Variants in ETFA observed in about 807,000 individuals in gnomAD.
ETFA encodes electron transfer flavoprotein subunit alpha, mitochondrial.
ETFA carries 22 observed loss-of-function variants against 46.2 expected under a neutral mutation model. That is an observed-to-expected ratio of 0.48 (90% CI 0.34 to 0.68). The LOEUF (loss-of-function observed/expected upper bound fraction) is 0.68, where lower values mean the gene tolerates loss of function less well. Ranked by LOEUF, ETFA falls within the 30% of genes least tolerant of loss-of-function variation. The probability of loss-of-function intolerance (pLI) is 0.01; values close to 1 mark genes in which losing one functional copy is unlikely to be tolerated. For missense variants in ETFA, 345 were observed against 401.1 expected, an observed-to-expected ratio of 0.86 and a Z score of 1.19; for synonymous variants, 131 against 139.9, an observed-to-expected ratio of 0.94 and a Z score of 0.45.
At position 76,216,632 on chromosome 15, in the gene ETFA, G is replaced by C. The variant is rs537265828; in HGVS notation, c.964-35C>G. ...AAAACAAAAAGTAATTAAGCAACTA[G>C]AGCCTTCACTGTGATATGGTCACAG... On this transcript the variant is annotated intron_variant, in intron 11 of 11. Transcript: ENST00000557943. The C allele has an allele frequency of 3.0e-5, 42 of 1,382,282 alleles. 1 individual carries two copies. The South Asian group carries it at 3.6e-4, about 12-fold the overall frequency. 85.6% of individuals were successfully genotyped at this position (1,382,282 alleles called of 1,614,324 possible). A position where few individuals can be genotyped will look rare whatever the true frequency, so the allele number is the denominator to read the frequency against.
intron 8 of ETFA, among the ~76,000 whole-genome samples, chr15:76,281,432 T>C (rs1477424003): frequency 2.0e-5 from 3 of 151,890 alleles, no homozygotes; most frequent in Admixed American, 6.6e-5. Flanking sequence ...TCTAACATTT[T>C]TTTTTTTTTT....
At chr15:76,296,238 C>T (rs2039822040) in intron 1 of ETFA, among the ~76,000 whole-genome samples, 1 of 152,044 alleles carries the variant, frequency 6.6e-6, no homozygotes. Context: ...TGCGCCACCG[C>T]ACCTGGCCTA....
chr15:76,292,809 AT>A (rs1340709261), intron 2 of ETFA, 109 bp from the exon 3 acceptor site: 31 of 821,006 alleles, frequency 3.8e-5, no homozygotes, highest in Non-Finnish European at 6.4e-5. Flanking sequence ...AACTGTAAAA[AT>A]TATTCTTATT....
At chr15:76,306,855 C>T (rs144063512) in intron 1 of ETFA, among the ~76,000 whole-genome samples, 54 of 152,290 alleles carry the variant, frequency 3.5e-4, no homozygotes, top group African/African-American at 1.1e-3. Context: ...TTAGTAGACA[C>T]ATTGGCAGGC....
At chr15:76,299,417 G>A (rs1452744007) in intron 1 of ETFA, among the ~76,000 whole-genome samples, 9 of 152,080 alleles carry the variant, frequency 5.9e-5, no homozygotes, top group Non-Finnish European at 1.2e-4. Context: ...CCAAGTCGCT[G>A]GGACCACAGG....
chr15:76,261,670 C>T (rs2039415176), intron 9 of ETFA: 1 of 368,478 alleles, frequency 2.7e-6, no homozygotes, highest in Non-Finnish European at 4.9e-6. Flanking sequence ...CCAGCCGCCC[C>T]ATGCTGTGCC....
chr15:76,217,124 T>C (rs1379875186), intron 11 of ETFA, among the ~76,000 whole-genome samples: 3 of 152,100 alleles, frequency 2.0e-5, no homozygotes, highest in Non-Finnish European at 4.4e-5. Flanking sequence ...CTGCTACCTT[T>C]TGGCTTTGTG....
At chr15:76,310,093 A>T (rs1328833564) in intron 1 of ETFA, 1 of 139,572 alleles carries the variant, frequency 7.2e-6, no homozygotes, top group African/African-American at 3.0e-5. Context: ...AAAAAAAAAA[A>T]AAATTAGCCA....
At chr15:76,273,940 GATACT>G (rs2039567482) in intron 9 of ETFA, among the ~76,000 whole-genome samples, 2 of 152,214 alleles carry the variant, frequency 1.3e-5, no homozygotes, top group Admixed American at 6.5e-5. Flanking sequence ...TTCTGAAATT[GATACT>G]ATAAGACAAA....
At chr15:76,284,786 T>A (rs1312139598) in intron 7 of ETFA, 4 of 255,148 alleles carry the variant, frequency 1.6e-5, no homozygotes, top group Admixed American at 5.7e-5. Flanking sequence ...GTCACCGCGC[T>A]GGGCGTAGTG....
intron 1 of ETFA, among the ~76,000 whole-genome samples, chr15:76,301,191 T>C (rs1417452397): frequency 6.6e-6 from 1 of 152,230 alleles, no homozygotes; most frequent in Non-Finnish European, 1.5e-5. Context: ...AAAGCCTTCT[T>C]TGGACCGTCT....
intron 6 of ETFA, among the ~76,000 whole-genome samples, chr15:76,286,134 CCT>C (rs1487340781): frequency 2.6e-5 from 4 of 152,184 alleles, no homozygotes; most frequent in African/African-American, 7.2e-5. Context: ...CTTAATAGAT[CCT>C]CTGTCTCCCA....
intron 1 of ETFA, among the ~76,000 whole-genome samples, chr15:76,308,292 G>A (rs1445864733): frequency 1.3e-5 from 2 of 152,144 alleles, no homozygotes; most frequent in Non-Finnish European, 2.9e-5. Context: ...AAATAGGACA[G>A]TCACATAGTC....
chr15:76,310,696 T>G (rs1220247046), intron 1 of ETFA, among the ~76,000 whole-genome samples: 3 of 152,238 alleles, frequency 2.0e-5, no homozygotes, highest in Non-Finnish European at 4.4e-5. Context: ...CAGGTCAGCC[T>G]GAAGCATATA....
chr15:76,294,366 A>G (rs1236337730), intron 2 of ETFA, among the ~76,000 whole-genome samples: 1 of 152,170 alleles, frequency 6.6e-6, no homozygotes, highest in East Asian at 1.9e-4. Flanking sequence ...ATCACACATC[A>G]CACATTGTGG....
At chr15:76,307,643 C>T (rs979821611) in intron 1 of ETFA, among the ~76,000 whole-genome samples, 5 of 150,566 alleles carry the variant, frequency 3.3e-5, no homozygotes, top group African/African-American at 9.8e-5. Context: ...TGAACCATGG[C>T]GCCTGGCTAA....
chr15:76,307,567 G>A (rs141050788), intron 1 of ETFA, among the ~76,000 whole-genome samples: 117 of 151,690 alleles, frequency 7.7e-4, no homozygotes, highest in African/African-American at 2.6e-3. Context: ...GCTCAATGCA[G>A]CCTCAAATGC....
At chr15:76,305,006 G>A (rs575657892) in intron 1 of ETFA, among the ~76,000 whole-genome samples, 1 of 150,804 alleles carries the variant, frequency 6.6e-6, no homozygotes, top group South Asian at 2.1e-4. Context: ...TGGCGCCACT[G>A]CACTCCAGCC....
intron 11 of ETFA, among the ~76,000 whole-genome samples, chr15:76,223,735 T>C (rs1253004131): frequency 6.6e-6 from 1 of 152,216 alleles, no homozygotes; most frequent in African/African-American, 2.4e-5. Context: ...CTTAGGACTC[T>C]TTCTCACTGA....
Sources: allele counts gnomAD v4.1 joint callset (sites outside exome capture counted in the v4.1 genomes callset), GRCh38; gene constraint gnomAD v4.1.1; transcripts MANE v1.5; gene names NCBI Gene and HGNC (gene_info 2026-07-23, HGNC 2026-07-21).